The following TENM3 variants were observed in gnomAD, a reference collection of about 807,000 sequenced individuals.
TENM3 encodes teneurin transmembrane protein 3.
A neutral mutation model predicts 255.1 loss-of-function variants in TENM3; 63 were observed. The observed-to-expected ratio is 0.25, with a 90% CI of 0.20 to 0.30. The LOEUF is 0.30. Among genes scored for constraint, TENM3 ranks in the 10% least tolerant of loss-of-function variants. TENM3 has a pLI of 1.00. For missense variants in TENM3, 2,929 were observed against 3,461.1 expected, an observed-to-expected ratio of 0.85 and a Z score of 3.86; for synonymous variants, 1,306 against 1,322.3, an observed-to-expected ratio of 0.99 and a Z score of 0.27.
At chr4:182,054,168 C>A in the TENM3 span, among the ~76,000 whole-genome samples, 1 of 152,178 alleles carries the variant, frequency 6.6e-6, no homozygotes, top group African/African-American at 2.4e-5. Context: ...CTTGGTGACA[C>A]CATACAGAAG....
the TENM3 span, among the ~76,000 whole-genome samples, chr4:182,019,024 G>A: frequency 2.6e-5 from 4 of 152,148 alleles, no homozygotes; most frequent in African/African-American, 4.8e-5. Flanking sequence ...TCTCAGCAAG[G>A]TGTCCATGAA....
the TENM3 span, among the ~76,000 whole-genome samples, chr4:181,607,983 T>A: frequency 6.6e-6 from 1 of 152,344 alleles, no homozygotes; most frequent in African/African-American, 2.4e-5. Flanking sequence ...TTGGTACCTC[T>A]CAAATCATAT....
chr4:181,499,007 C>T, the TENM3 span, among the ~76,000 whole-genome samples: 1 of 152,152 alleles, frequency 6.6e-6, no homozygotes, highest in African/African-American at 2.4e-5. Flanking sequence ...CTTAATCACA[C>T]ACATTTTACT....
intron 2 of TENM3, among the ~76,000 whole-genome samples, chr4:182,335,424 G>A (rs76461561): frequency 0.055 from 6,638 of 120,238 alleles, 95 homozygotes; most frequent in East Asian, 0.12. Context: ...GAACCCGGGA[G>A]GCGGAGCTTG....
chr4:181,857,557 A>G, the TENM3 span, among the ~76,000 whole-genome samples: 1 of 102,346 alleles, frequency 9.8e-6, no homozygotes, highest in Non-Finnish European at 1.9e-5. Flanking sequence ...TCTACAAAAA[A>G]AAAAAAAAAA....
At chr4:182,432,849 G>GGTGTGTGTGT (rs70956512) in intron 3 of TENM3, among the ~76,000 whole-genome samples, 8 of 142,972 alleles carry the variant, frequency 5.6e-5, no homozygotes, top group South Asian at 4.9e-4. Context: ...AATGGATTTG[G>GGTGTGTGTGT]GTGTGTGTGT....
chr4:181,966,616 G>T, the TENM3 span, among the ~76,000 whole-genome samples: 2 of 152,212 alleles, frequency 1.3e-5, no homozygotes, highest in African/African-American at 4.8e-5. Context: ...AAGGGCAGAT[G>T]TAAGGTTCTG....
the TENM3 span, among the ~76,000 whole-genome samples, chr4:181,957,675 C>T: frequency 2.6e-5 from 4 of 152,122 alleles, no homozygotes; most frequent in Non-Finnish European, 5.9e-5. Flanking sequence ...ACAATTCAGG[C>T]ATGTCTAGAT....
the TENM3 span, among the ~76,000 whole-genome samples, chr4:181,494,244 A>C: frequency 6.6e-6 from 1 of 152,158 alleles, no homozygotes; most frequent in African/African-American, 2.4e-5. Context: ...ATATACACCA[A>C]CTAAAATGTC....
chr4:182,563,018 C>T (rs1743368384), intron 3 of TENM3, among the ~76,000 whole-genome samples: 1 of 152,054 alleles, frequency 6.6e-6, no homozygotes. Context: ...CATGTACTCA[C>T]AGAATATGGA....
intron 22 of TENM3, among the ~76,000 whole-genome samples, chr4:182,761,333 C>T (rs1259563098): frequency 6.6e-6 from 1 of 152,004 alleles, no homozygotes; most frequent in Non-Finnish European, 1.5e-5. Flanking sequence ...GCAGGAGAAT[C>T]GCTTGAACCC....
the TENM3 span, among the ~76,000 whole-genome samples, chr4:181,682,427 C>T: frequency 1.3e-5 from 2 of 152,126 alleles, no homozygotes; most frequent in Non-Finnish European, 2.9e-5. Context: ...AGTTGTTTCA[C>T]CAGATTGACT....
At chr4:182,004,420 G>A in the TENM3 span, among the ~76,000 whole-genome samples, 4 of 152,112 alleles carry the variant, frequency 2.6e-5, no homozygotes, top group Admixed American at 2.0e-4. Flanking sequence ...TGGCTGCATA[G>A]TATTACATGG....
At chr4:182,695,446 A>G (rs1350059200) in intron 12 of TENM3, among the ~76,000 whole-genome samples, 5 of 152,164 alleles carry the variant, frequency 3.3e-5, no homozygotes, top group Non-Finnish European at 5.9e-5. Flanking sequence ...GCAGGGTGGC[A>G]TTGGGGTGGC....
At chr4:182,757,144 C>G (rs1355440048) in intron 22 of TENM3, among the ~76,000 whole-genome samples, 3 of 151,724 alleles carry the variant, frequency 2.0e-5, no homozygotes, top group Non-Finnish European at 4.4e-5. Flanking sequence ...AACCCTGTCT[C>G]TACTAAAAAT....
the TENM3 span, among the ~76,000 whole-genome samples, chr4:181,553,543 G>A: frequency 1.3e-5 from 2 of 151,778 alleles, no homozygotes; most frequent in African/African-American, 4.8e-5. Flanking sequence ...CCGGGTTCAC[G>A]TCATTCTCCT....
intron 24 of TENM3, among the ~76,000 whole-genome samples, chr4:182,785,059 C>T (rs960023819): frequency 5.3e-5 from 8 of 151,846 alleles, no homozygotes; most frequent in African/African-American, 1.5e-4. Flanking sequence ...TGTTCCTATT[C>T]GGCCATCTTG....
chr4:181,484,689 G>T, the TENM3 span, among the ~76,000 whole-genome samples: 9 of 152,002 alleles, frequency 5.9e-5, no homozygotes, highest in Non-Finnish European at 1.2e-4. Context: ...AGAGAATCAG[G>T]TACTAATTTA....
the TENM3 span, among the ~76,000 whole-genome samples, chr4:182,098,315 C>T: frequency 6.6e-6 from 1 of 152,138 alleles, no homozygotes; most frequent in Non-Finnish European, 1.5e-5. Context: ...CCCTATGATC[C>T]AGCAATCCCA....
Sources: gnomAD v4.1 joint callset for allele counts (sites outside exome capture counted in the v4.1 genomes callset) on GRCh38, gnomAD v4.1.1 for gene constraint, MANE v1.5 for transcripts, NCBI Gene and HGNC (gene_info 2026-07-23, HGNC 2026-07-21) for gene names.